TMEM74: variants seen among roughly 807,000 people sequenced by gnomAD.
TMEM74 encodes the protein transmembrane protein 74.
Under a neutral mutation model 18.1 loss-of-function variants are expected in TMEM74, and 13 were observed. That is an observed-to-expected ratio of 0.72 (90% CI 0.47 to 1.14). The LOEUF (loss-of-function observed/expected upper bound fraction) is 1.14. Ranked by LOEUF, TMEM74 falls within the 50% of genes most tolerant of loss-of-function variation. TMEM74 has a pLI of 0.00. For synonymous variants in TMEM74, 159 were observed against 146.6 expected (o/e 1.08, Z -0.61); for missense variants, 372 against 375.9 (o/e 0.99, Z 0.09).
rs970538668 is a variant in TMEM74 at position 108,678,671 on chromosome 8, CT to C, written n.120-23235del. Among the ~76,000 whole-genome samples the C allele has an allele frequency of 4.8e-4, 70 of 145,684 alleles. 1 individual carries two copies. The highest frequency in any genetic ancestry group is 8.8e-4 in the African/African-American group (35 of 39,896). On this transcript the variant is annotated intron_variant and non_coding_transcript_variant, in intron 1 of 3. Coordinates refer to the TMEM74 transcript ENST00000518838. ...GTCATGCCCAATTTGCTTAGGTTCT[CT>C]TTTTTTTTTCTTATAAAGCTGACTT...
At chr8:108,750,744 C>T (rs1388051742) in intron 1 of TMEM74, among the ~76,000 whole-genome samples, 2 of 152,138 alleles carry the variant, frequency 1.3e-5, no homozygotes, top group Admixed American at 6.5e-5. Flanking sequence ...GCATACTCAA[C>T]TCCCAAGGGT....
At chr8:108,682,642 G>T (rs1273417248) in intron 1 of TMEM74, among the ~76,000 whole-genome samples, 1 of 151,936 alleles carries the variant, frequency 6.6e-6, no homozygotes, top group Non-Finnish European at 1.5e-5. Context: ...TAGACTAAAA[G>T]ATTTCAAAAG....
At chr8:108,678,989 C>A (rs1813085255) in intron 1 of TMEM74, among the ~76,000 whole-genome samples, 1 of 148,428 alleles carries the variant, frequency 6.7e-6, no homozygotes, top group Non-Finnish European at 1.5e-5. Flanking sequence ...TGAGTGAGAA[C>A]ATGTGGTGTT....
At chr8:108,733,667 C>T (rs1813717805) in intron 1 of TMEM74, among the ~76,000 whole-genome samples, 1 of 152,064 alleles carries the variant, frequency 6.6e-6, no homozygotes, top group African/African-American at 2.4e-5. Flanking sequence ...AAATATCTTC[C>T]AGATTTGTTT....
At chr8:108,716,804 A>C (rs1308977973) in intron 1 of TMEM74, among the ~76,000 whole-genome samples, 1 of 151,800 alleles carries the variant, frequency 6.6e-6, no homozygotes. Flanking sequence ...CAAAAAATAC[A>C]TGTAAAATAT....
intron 1 of TMEM74, among the ~76,000 whole-genome samples, chr8:108,756,623 G>A (rs199772884): frequency 2.7e-4 from 23 of 86,026 alleles, no homozygotes; most frequent in African/African-American, 1.0e-3. Context: ...AGGAAGGAAG[G>A]AAGGAAGGAA....
chr8:108,714,823 T>C (rs1017274219), intron 1 of TMEM74, among the ~76,000 whole-genome samples: 2 of 152,156 alleles, frequency 1.3e-5, no homozygotes, highest in Non-Finnish European at 2.9e-5. Flanking sequence ...GGAATATATA[T>C]ACCATGGAAT....
chr8:108,655,144 C>T (rs1361692410), intron 2 of TMEM74: 1 of 152,098 alleles, frequency 6.6e-6, no homozygotes, highest in Non-Finnish European at 1.5e-5. Flanking sequence ...TTCATAATAG[C>T]AGTTTCCATT....
chr8:108,666,725 T>C (rs1442156252), intron 1 of TMEM74, among the ~76,000 whole-genome samples: 1 of 152,138 alleles, frequency 6.6e-6, no homozygotes, highest in African/African-American at 2.4e-5. Flanking sequence ...ATCCCATCTC[T>C]TGGCCCAGAT....
chr8:108,771,651 A>G (rs1814174170), intron 1 of TMEM74, among the ~76,000 whole-genome samples: 1 of 152,164 alleles, frequency 6.6e-6, no homozygotes, highest in African/African-American at 2.4e-5. Context: ...AATCTTTGCA[A>G]ATTATGTTTA....
At chr8:108,643,876 C>T (rs957572920) in intron 2 of TMEM74, among the ~76,000 whole-genome samples, 3 of 151,984 alleles carry the variant, frequency 2.0e-5, no homozygotes, top group African/African-American at 7.2e-5. Flanking sequence ...GAAAAATATT[C>T]CATGCTCATG....
intron 1 of TMEM74, among the ~76,000 whole-genome samples, chr8:108,737,452 G>C (rs1339276234): frequency 6.6e-6 from 1 of 152,112 alleles, no homozygotes; most frequent in Non-Finnish European, 1.5e-5. Flanking sequence ...CTTTGGATCT[G>C]GTTCATGCAT....
intron 1 of TMEM74, among the ~76,000 whole-genome samples, chr8:108,666,235 C>A (rs1367809031): frequency 6.6e-6 from 1 of 152,150 alleles, no homozygotes; most frequent in Non-Finnish European, 1.5e-5. Context: ...TGTGTGTTAT[C>A]CAATAATCAG....
chr8:108,690,100 T>G (rs1405956748), intron 1 of TMEM74, among the ~76,000 whole-genome samples: 1 of 151,954 alleles, frequency 6.6e-6, no homozygotes, highest in Non-Finnish European at 1.5e-5. Flanking sequence ...CAAGACTGAG[T>G]AGGACTACAC....
At chr8:108,670,863 T>A (rs1173746631) in intron 1 of TMEM74, among the ~76,000 whole-genome samples, 1 of 152,088 alleles carries the variant, frequency 6.6e-6, no homozygotes, top group African/African-American at 2.4e-5. Context: ...TTTATAAACC[T>A]TTATGTTCTG....
At position 108,780,287 on chromosome 8, in the gene TMEM74, C is replaced by G. The variant is rs987114715; in HGVS notation, c.*3894G>C. On this transcript the variant is annotated 3_prime_UTR_variant, in exon 2 of 2. Transcript: ENST00000297459. ...TCCTAAGAGATATACATATAGAACA[C>G]TTTTTTAACTTGACAATTAATCCAA... Among the ~76,000 whole-genome samples the G allele has an allele frequency of 6.6e-6, 1 of 152,080 alleles. No homozygotes were observed. The highest frequency in any genetic ancestry group is 2.4e-5 in the African/African-American group (1 of 41,404).
At chr8:108,690,585 G>C (rs1283635155) in intron 1 of TMEM74, among the ~76,000 whole-genome samples, 1 of 152,024 alleles carries the variant, frequency 6.6e-6, no homozygotes, top group African/African-American at 2.4e-5. Context: ...GGAGGCCGAG[G>C]CGGGCAGATC....
At chr8:108,722,264 A>G (rs1813592921) in intron 1 of TMEM74, among the ~76,000 whole-genome samples, 1 of 152,206 alleles carries the variant, frequency 6.6e-6, no homozygotes, top group Non-Finnish European at 1.5e-5. Context: ...TGGGGATTAG[A>G]ACACAGACAT....
Position 108,784,693 on chromosome 8 carries a change from G to A in TMEM74, c.406C>T (p.Pro136Ser), listed in dbSNP as rs1295173938. 4.3e-6 allele frequency: 7 copies of A among 1,614,150 alleles called. No homozygotes were observed. Among genetic ancestry groups the A allele is most frequent in the Non-Finnish European group, 5.9e-6 (7 of 1,180,026 alleles). Reference protein sequence around the residue: ...SSPSAKGHNHPGELGWENPNE... With the variant: ...SSPSAKGHNHSGELGWENPNE... Reference sequence around the variant, plus strand: ...GGATTTTCCCAGCCAAGCTCCCCAGGGTGATTATGCCCTTTTGCTGATGGC... The same window carrying A: ...GGATTTTCCCAGCCAAGCTCCCCAGAGTGATTATGCCCTTTTGCTGATGGC... The change falls in exon 2 of 2, where the codon CCT (proline) becomes TCT (serine). Residue 136 changes from proline (P) to serine (S), a missense_variant. Physicochemically the swap from Pro to Ser is moderately conservative, Grantham distance 74. Coordinates refer to ENST00000297459, the MANE Select transcript of TMEM74 (RefSeq NM_153015.3).
Sources: gnomAD v4.1 joint callset for allele counts (sites outside exome capture counted in the v4.1 genomes callset) on GRCh38, gnomAD v4.1.1 for gene constraint, MANE v1.5 for transcripts, NCBI Gene and HGNC (gene_info 2026-07-23, HGNC 2026-07-21) for gene names.